NFYA: variants seen among roughly 807,000 people sequenced by gnomAD.
NFYA encodes the protein CAAT-box DNA binding protein subunit A.
A neutral mutation model predicts 52.8 loss-of-function variants in NFYA; 28 were observed. That is an observed-to-expected ratio of 0.53 (90% CI 0.39 to 0.73). The LOEUF (loss-of-function observed/expected upper bound fraction) is 0.73. Ranked by LOEUF, NFYA falls within the 30% of genes least tolerant of loss-of-function variation. The pLI is 0.00. For missense variants in NFYA, 234 were observed against 427.0 expected (o/e 0.55, Z 3.98); for synonymous variants, 150 against 150.7 (o/e 1.00, Z 0.03).
At chr6:41,077,963 C>T (rs945233538) in intron 1 of NFYA, among the ~76,000 whole-genome samples, 3 of 151,570 alleles carry the variant, frequency 2.0e-5, no homozygotes, top group African/African-American at 7.3e-5. Context: ...TTATATTTTT[C>T]CTAACATTCC....
intron 5 of NFYA, 146 bp downstream of exon 5, chr6:41,089,856 A>C: frequency 5.1e-5 from 57 of 1,121,488 alleles, no homozygotes; most frequent in Non-Finnish European, 6.8e-5. Flanking sequence ...GCGGTGGCTC[A>C]TGCCTGTAAT....
chr6:41,092,458 GTTAC>G (rs1391479395), intron 7 of NFYA, among the ~76,000 whole-genome samples: 3 of 152,194 alleles, frequency 2.0e-5, no homozygotes, highest in African/African-American at 7.2e-5. Flanking sequence ...ACAGGACTCT[GTTAC>G]TTGTTTTTAC....
intron 1 of NFYA, among the ~76,000 whole-genome samples, chr6:41,078,808 GC>G (rs1763815308): frequency 6.6e-6 from 1 of 152,190 alleles, no homozygotes; most frequent in African/African-American, 2.4e-5. Context: ...AGGTAAGGTT[GC>G]CAGTATACTG....
At chr6:41,096,810 T>G (rs1764368997) in intron 9 of NFYA, among the ~76,000 whole-genome samples, 1 of 152,326 alleles carries the variant, frequency 6.6e-6, no homozygotes, top group Admixed American at 6.5e-5. Context: ...GTCAGGAGAT[T>G]TGGGAGTTAG....
At chr6:41,075,827 T>C (rs1763717803) in intron 1 of NFYA, 1 of 152,166 alleles carries the variant, frequency 6.6e-6, no homozygotes, top group South Asian at 2.1e-4. Context: ...GATTCCAGTA[T>C]AGGTTTTTAG....
chr6:41,084,892 C>T (rs754158191), intron 4 of NFYA, among the ~76,000 whole-genome samples: 8 of 152,066 alleles, frequency 5.3e-5, no homozygotes, highest in Non-Finnish European at 7.4e-5. Flanking sequence ...ACCCAGGAGG[C>T]GGAGGTTGCA....
chr6:41,078,972 C>T lies in NFYA; in HGVS notation c.-61-57C>T, dbSNP rs1276606187. On this transcript the variant is annotated intron_variant, in intron 1 of 9. Coordinates refer to ENST00000341376, the MANE Select transcript of NFYA (RefSeq NM_002505.5). Reference sequence around the variant, plus strand: ...GTGATAAATTATCCAGGTTAATTGTCTGGTAAGGCCTTTATTGACAATCTC... The same window carrying T: ...GTGATAAATTATCCAGGTTAATTGTTTGGTAAGGCCTTTATTGACAATCTC... The T allele has an allele frequency of 4.0e-6, 3 of 742,958 alleles. No homozygotes were observed. In the African/African-American group the frequency reaches 5.2e-5, roughly 13 times the overall value. The allele number at this position is 742,958 out of a possible 1,614,324, so 46.0% of individuals were successfully genotyped here. A position where few individuals can be genotyped will look rare whatever the true frequency, so the allele number is the denominator to read the frequency against.
At chr6:41,077,386 C>T (rs148845845) in intron 1 of NFYA, among the ~76,000 whole-genome samples, 46 of 152,272 alleles carry the variant, frequency 3.0e-4, no homozygotes, top group Non-Finnish European at 6.2e-4. Flanking sequence ...AGTCAACCTC[C>T]CTCTTTCCTG....
rs1764465193 is a variant in NFYA, at chr6:41,100,332, GTT to G, written c.*2925_*2926del. 6.6e-6 allele frequency among the ~76,000 whole-genome samples: 1 copy of G among 152,138 alleles called. No individual in the cohort carries two copies. The highest frequency in any genetic ancestry group is 1.5e-5 in the Non-Finnish European group (1 of 68,024). Reference sequence around the variant, plus strand: ...CAGGTAGTGAAGATGTACTATTTACGTTTTGTTAGATTTTGTTTTGGCAGAAG... The same window carrying G: ...CAGGTAGTGAAGATGTACTATTTACGTTGTTAGATTTTGTTTTGGCAGAAG... On this transcript the variant is annotated 3_prime_UTR_variant, in exon 10 of 10. Transcript: ENST00000341376.
rs192926336 is a variant in NFYA, at chr6:41,101,924, T to C, written c.*4514T>C. ...ACTCAGCTTGAAGGGATCTGTTTCC[T>C]TTACACTGGCCTGATGTGTGGGGAG... On this transcript the variant is annotated 3_prime_UTR_variant, in exon 10 of 10. Coordinates refer to ENST00000341376, the MANE Select transcript of NFYA (RefSeq NM_002505.5). 7 of 152,376 alleles carry C rather than the reference T, an allele frequency of 4.6e-5. No individual in the cohort carries two copies. The highest frequency in any genetic ancestry group is 4.6e-4 in the Admixed American group (7 of 15,306). The allele number at this position is 152,376 out of a possible 1,614,324, so 9.4% of individuals were successfully genotyped here.
intron 8 of NFYA, among the ~76,000 whole-genome samples, chr6:41,093,789 G>A (rs1764265152): frequency 6.6e-6 from 1 of 152,172 alleles, no homozygotes; most frequent in African/African-American, 2.4e-5. Context: ...TTTCTTTCAA[G>A]GAAACTTTGA....
At chr6:41,089,476 T>C in intron 4 of NFYA, 103 bp from the exon 5 acceptor site, 1 of 1,316,126 alleles carries the variant, frequency 7.6e-7, no homozygotes, top group Non-Finnish European at 1.0e-6. Context: ...TTTTTCCTCT[T>C]CAGAACATTT....
chr6:41,081,255 C>T (rs1023830157), intron 3 of NFYA, among the ~76,000 whole-genome samples: 22 of 152,108 alleles, frequency 1.4e-4, no homozygotes, highest in Admixed American at 3.9e-4. Context: ...TTTGGGAGGC[C>T]GAGGCAGGCG....
chr6:41,082,334 C>T (rs942346193), intron 3 of NFYA, among the ~76,000 whole-genome samples: 7 of 152,226 alleles, frequency 4.6e-5, no homozygotes, highest in African/African-American at 1.7e-4. Context: ...ATGCTTGCTT[C>T]ATCTTACTCA....
At position 41,093,478 on chromosome 6, in the gene NFYA, T is replaced by A. The variant is rs115678926; in HGVS notation, c.888+393T>A. Among the ~76,000 whole-genome samples, 1,353 of 151,960 alleles carry A rather than the reference T, an allele frequency of 8.9e-3. 21 individuals carry two copies. Among genetic ancestry groups the A allele is most frequent in the African/African-American group, 0.031 (1,265 of 41,456 alleles). ...ACAAGAAAGGTACCCTTTCTTTTTT[T>A]TTTTTTTCCTGAGACTCAGTCTTGC... On this transcript the variant is annotated intron_variant, in intron 8 of 9. Coordinates refer to ENST00000341376, the MANE Select transcript of NFYA (RefSeq NM_002505.5).
At chr6:41,075,395 T>C (rs1763706138) in intron 1 of NFYA, 1 of 152,254 alleles carries the variant, frequency 6.6e-6, no homozygotes. Flanking sequence ...AGGTATGTTC[T>C]GGTCACTTCA....
At chr6:41,095,984 A>G (rs964081638) in intron 9 of NFYA, among the ~76,000 whole-genome samples, 20 of 152,306 alleles carry the variant, frequency 1.3e-4, no homozygotes, top group Middle Eastern at 6.8e-3. Context: ...ACTCCATTCT[A>G]TATTAACATC....
At chr6:41,093,510 A>G (rs1322106524) in intron 8 of NFYA, among the ~76,000 whole-genome samples, 1 of 150,618 alleles carries the variant, frequency 6.6e-6, no homozygotes, top group East Asian at 2.0e-4. Flanking sequence ...TTGCTCTGTC[A>G]TCCAGGCCGG....
In NFYA at chr6:41,097,558, T is replaced by A. The variant is rs78654930; in HGVS notation, c.*148T>A. On this transcript the variant is annotated 3_prime_UTR_variant, in exon 10 of 10. Coordinates refer to ENST00000341376, the MANE Select transcript of NFYA (RefSeq NM_002505.5). ...TAGTTTTTAATAAGTGGCTCAGTAT[T>A]ACAATTGCAGCGATGCCTGGCAAAT... 4.0e-6 allele frequency: 3 copies of A among 758,036 alleles called. No individual in the cohort carries two copies. The highest frequency in any genetic ancestry group is 6.4e-6 in the Non-Finnish European group (3 of 465,690). The allele number at this position is 758,036 out of a possible 1,614,324, so 47.0% of individuals were successfully genotyped here. A position where few individuals can be genotyped will look rare whatever the true frequency, so the allele number is the denominator to read the frequency against.
Sources: gnomAD v4.1 joint callset for allele counts (sites outside exome capture counted in the v4.1 genomes callset) on GRCh38, gnomAD v4.1.1 for gene constraint, MANE v1.5 for transcripts, NCBI Gene and HGNC (gene_info 2026-07-23, HGNC 2026-07-21) for gene names.